Variants in ADGRB2 observed in about 807,000 individuals in gnomAD.
ADGRB2 encodes the protein adhesion G protein-coupled receptor B2.
In ADGRB2, 47 loss-of-function variants were observed where a neutral mutation model predicts 178.7. The ratio of observed to expected loss-of-function variants is 0.26; its 90% CI spans 0.21 to 0.34. The LOEUF (loss-of-function observed/expected upper bound fraction) is 0.34, where lower values mean the gene tolerates loss of function less well. Ranked by LOEUF, ADGRB2 falls within the 10% of genes least tolerant of loss-of-function variation. The pLI is 1.00. For missense variants in ADGRB2, 1,584 were observed against 2,180.8 expected (o/e 0.73, Z 5.45); for synonymous variants, 870 against 912.4 (o/e 0.95, Z 0.84).
At position 31,744,747 on chromosome 1, in the gene ADGRB2, G is replaced by T; in HGVS notation, c.839-16C>A. 1.2e-6 allele frequency: 2 copies of T among 1,613,896 alleles called. No individual in the cohort carries two copies. The highest frequency in any genetic ancestry group is 1.1e-5 in the South Asian group (1 of 91,068). On this transcript the variant is annotated splice_polypyrimidine_tract_variant and intron_variant, in intron 4 of 32. Coordinates refer to ENST00000373658, the MANE Select transcript of ADGRB2 (RefSeq NM_001364857.2). This position sits in a 1 kb window ranked among gnomAD's most constrained non-coding sequence, Gnocchi z 6.7. Reference sequence around the variant, plus strand: ...GGCTCCTCACCTGGAACACGGAGGTGGTGGCAGGGGCTCAGCAAAGGCCAG... The same window carrying T: ...GGCTCCTCACCTGGAACACGGAGGTTGTGGCAGGGGCTCAGCAAAGGCCAG...
chr1:31,732,734 G>A, intron 26 of ADGRB2, 122 bp from the exon 27 acceptor site: 2 of 1,250,394 alleles, frequency 1.6e-6, no homozygotes, highest in Non-Finnish European at 2.3e-6. Context: ...TCCAACCTTG[G>A]GGAAGGTGAT....
chr1:31,727,690 G>A lies in ADGRB2; in HGVS notation c.4573-85C>T. ...CGATCAAACTGAGGAGTCCCAGAGA[G>A]GGCTGGTAATGCCCAAAGTTATGGA... On this transcript the variant is annotated intron_variant, in intron 32 of 32. Coordinates refer to ENST00000373658, the MANE Select transcript of ADGRB2 (RefSeq NM_001364857.2). The surrounding 1 kb of genome is among the most constrained non-coding windows in gnomAD (Gnocchi z 4.4). 1 of 1,359,432 alleles carries A rather than the reference G, an allele frequency of 7.4e-7. No individual in the cohort carries two copies. Among genetic ancestry groups the A allele is most frequent in the Non-Finnish European group, 9.7e-7 (1 of 1,035,494 alleles). 84.2% of individuals were successfully genotyped at this position (1,359,432 alleles called of 1,614,324 possible).
intron 27 of ADGRB2, 55 bp downstream of exon 27, chr1:31,732,462 T>C (rs2148894658): frequency 6.3e-7 from 1 of 1,582,936 alleles, no homozygotes. Flanking sequence ...GGCAGGAGGA[T>C]TGGGGTGGGG....
Position 31,735,973 on chromosome 1 carries a change from A to G in ADGRB2, c.3201-80T>C. 4 of 1,402,246 alleles carry G rather than the reference A, an allele frequency of 2.9e-6. No homozygotes were observed. Among genetic ancestry groups the G allele is most frequent in the Non-Finnish European group, 3.9e-6 (4 of 1,031,400 alleles). The allele number at this position is 1,402,246 out of a possible 1,614,324, so 86.9% of individuals were successfully genotyped here. ...TCAAACACCATCCCTCAGTCCTCCCAGGCTGCCATGCCCGCATCACCAGTG... is the reference window on the plus strand; with the variant it reads ...TCAAACACCATCCCTCAGTCCTCCCGGGCTGCCATGCCCGCATCACCAGTG... On this transcript the variant is annotated intron_variant, in intron 22 of 32. Transcript: ENST00000373658. The surrounding 1 kb of genome is among the most constrained non-coding windows in gnomAD (Gnocchi z 6.0).
chr1:31,744,350 C>A lies in ADGRB2; in HGVS notation c.930G>T (p.Pro310=). ...PGLYMAQTGD[P]AAEEWSPWSV... ...TCCACGGGGACCACTCCTCAGCCGC[C>A]GGGTCGCCTACGAGAGAGGGACAGC... The change falls in exon 6 of 33, where the codon CCG becomes CCT. Residue 310 remains proline, a synonymous_variant. Coordinates refer to ENST00000373658, the MANE Select transcript of ADGRB2 (RefSeq NM_001364857.2). The surrounding 1 kb of genome is among the most constrained non-coding windows in gnomAD (Gnocchi z 6.7). 2.6e-6 allele frequency: 4 copies of A among 1,550,514 alleles called. No individual in the cohort carries two copies. The highest frequency in any genetic ancestry group is 3.5e-6 in the Non-Finnish European group (4 of 1,146,846).
rs894140012 is a variant in ADGRB2 at position 31,735,236 on chromosome 1, C to G, written c.3399G>C (p.Ala1133=). The G allele has an allele frequency of 5.5e-6, 8 of 1,466,142 alleles. No individual in the cohort carries two copies. The highest frequency in any genetic ancestry group is 1.4e-5 in the African/African-American group (1 of 70,640). 90.8% of individuals were successfully genotyped at this position (1,466,142 alleles called of 1,614,324 possible). ...GCAGGGGGCTGGGGACCGCTCCACACGCTGAGCAGGGGAGGAGCAGGCTGG... is the reference window on the plus strand; with the variant it reads ...GCAGGGGGCTGGGGACCGCTCCACAGGCTGAGCAGGGGAGGAGCAGGCTGG... ...PWASLLLPCS[A]CGAVPSPLLS... is the part of the protein sequence containing the mutation. Residue 1133 remains alanine (A), a synonymous_variant, in exon 25 of 33, where the codon GCG becomes GCC. Coordinates refer to ENST00000373658, the MANE Select transcript of ADGRB2 (RefSeq NM_001364857.2). This position sits in a 1 kb window ranked among gnomAD's most constrained non-coding sequence, Gnocchi z 6.0.
rs762253873 is a variant in ADGRB2, at chr1:31,744,607, C to A, written c.922+41G>T. On this transcript the variant is annotated intron_variant, in intron 5 of 32. Transcript: ENST00000373658. The surrounding 1 kb of genome is among the most constrained non-coding windows in gnomAD (Gnocchi z 6.7). Reference sequence around the variant, plus strand: ...ACACACACCACCAGACGCACACAGTCGGGCCCCCGCCGCAGAGGAAGGGAG... The same window carrying A: ...ACACACACCACCAGACGCACACAGTAGGGCCCCCGCCGCAGAGGAAGGGAG... 6.2e-7 allele frequency: 1 copy of A among 1,604,288 alleles called. No homozygotes were observed. Among genetic ancestry groups the A allele is most frequent in the South Asian group, 1.1e-5 (1 of 90,198 alleles).
chr1:31,741,937 G>T lies in ADGRB2; in HGVS notation c.1448C>A (p.Ala483Glu). 2 of 1,599,642 alleles carry T rather than the reference G, an allele frequency of 1.3e-6. No homozygotes were observed. Among genetic ancestry groups the T allele is most frequent in the Non-Finnish European group, 1.7e-6 (2 of 1,170,188 alleles). The stretch of plus-strand genomic sequence containing the variant: ...ACACGTCTTAGAGCACAGGCTCCAC[G>T]CATTCCATGGCCCCCACTTGCTATC... The part of the protein sequence containing the change: ...ATDSKWGPWN[A>E]WSLCSKTCDT... Residue 483 changes from alanine (A) to glutamate (E), a missense_variant, in exon 9 of 33, where the codon GCG becomes GAG. This residue lies in a region of ADGRB2 where 657 missense variants were observed against 847.6 expected (regional missense o/e 0.78). Transcript: ENST00000373658. This position sits in a 1 kb window ranked among gnomAD's most constrained non-coding sequence, Gnocchi z 6.5.
intron 26 of ADGRB2, among the ~76,000 whole-genome samples, 180 bp from the exon 27 acceptor site, chr1:31,732,792 G>A (rs949633003): frequency 6.6e-6 from 1 of 152,258 alleles, no homozygotes; most frequent in Non-Finnish European, 1.5e-5. Flanking sequence ...GGAGGCCAAG[G>A]ATAAGCATAA....
chr1:31,756,160 G>A lies in ADGRB2; in HGVS notation c.677C>T (p.Pro226Leu), dbSNP rs1259525530. The change falls in exon 4 of 33, where the codon CCT (proline) becomes CTT (leucine). Residue 226 changes from proline (P) to leucine (L), a missense_variant. This residue lies in a region of ADGRB2 where 657 missense variants were observed against 847.6 expected (regional missense o/e 0.78). Transcript: ENST00000373658. The surrounding 1 kb of genome is among the most constrained non-coding windows in gnomAD (Gnocchi z 8.5). ...CGFAQPGCSC[P>L]GEAGAGSTTT... ...GGTGGAGCCGGCCCCCGCCTCTCCA[G>A]GGCAGCTGCAGCCTGGCTGAGCAAA... 7 of 1,613,406 alleles carry A rather than the reference G, an allele frequency of 4.3e-6. No individual in the cohort carries two copies. Among genetic ancestry groups the A allele is most frequent in the Non-Finnish European group, 5.9e-6 (7 of 1,179,870 alleles).
intron 27 of ADGRB2, 28 bp from the exon 28 acceptor site, chr1:31,732,182 G>C: frequency 6.2e-7 from 1 of 1,613,968 alleles, no homozygotes; most frequent in Non-Finnish European, 8.5e-7. Context: ...GGGGCAGGTG[G>C]GCAGAGGGAG....
Position 31,727,321 on chromosome 1 carries a change from G to A in ADGRB2, c.*99C>T. Reference sequence around the variant, plus strand: ...CGGCGCCTCCCTGCCCAGCCCTCGGGAGAGGGGAGAGGGCGCTGGCTCCTG... The same window carrying A: ...CGGCGCCTCCCTGCCCAGCCCTCGGAAGAGGGGAGAGGGCGCTGGCTCCTG... On this transcript the variant is annotated 3_prime_UTR_variant, in exon 33 of 33. Transcript: ENST00000373658. The surrounding 1 kb of genome is among the most constrained non-coding windows in gnomAD (Gnocchi z 4.4). 2.2e-6 allele frequency: 3 copies of A among 1,385,616 alleles called. No individual in the cohort carries two copies. Among genetic ancestry groups the A allele is most frequent in the Non-Finnish European group, 2.8e-6 (3 of 1,053,944 alleles). The allele number at this position is 1,385,616 out of a possible 1,614,324, so 85.8% of individuals were successfully genotyped here.
rs2149083918 is a variant in ADGRB2, at chr1:31,764,102, G to C, written c.-409C>G. On this transcript the variant is annotated 5_prime_UTR_variant, in exon 1 of 33. Transcript: ENST00000373658. The surrounding 1 kb of genome is among the most constrained non-coding windows in gnomAD (Gnocchi z 7.3). ...GCGGGCGGCGCCGGGCCGGGCGCGG[G>C]CTCCTGCCGCCGCCGCCGCCGCCGC... 1 of 963,126 alleles carries C rather than the reference G, an allele frequency of 1.0e-6. No homozygotes were observed. Among genetic ancestry groups the C allele is most frequent in the South Asian group, 4.7e-5 (1 of 21,446 alleles). The allele number at this position is 963,126 out of a possible 1,614,324, so 59.7% of individuals were successfully genotyped here.
Position 31,744,579 on chromosome 1 carries a change from A to G in ADGRB2, c.922+69T>C. The G allele has an allele frequency of 6.4e-7, 1 of 1,559,576 alleles. No homozygotes were observed. Among genetic ancestry groups the G allele is most frequent in the Non-Finnish European group, 8.8e-7 (1 of 1,140,500 alleles). On this transcript the variant is annotated intron_variant, in intron 5 of 32. Transcript: ENST00000373658. The surrounding 1 kb of genome is among the most constrained non-coding windows in gnomAD (Gnocchi z 6.7). ...GACAGAGACAGACAGGCACACACCA[A>G]GCACACACACCACCAGACGCACACA...
At position 31,727,821 on chromosome 1, in the gene ADGRB2, C is replaced by T. The variant is rs1557725068; in HGVS notation, c.4572+204G>A. ...CCCAGGACATGTCTCCTGCTGACCA[C>T]TCTCCCTCCCAATCCTGGAGGACCT... is the stretch of plus-strand genomic sequence containing the variant. On this transcript the variant is annotated intron_variant, in intron 32 of 32. Transcript: ENST00000373658. The surrounding 1 kb of genome is among the most constrained non-coding windows in gnomAD (Gnocchi z 4.4). 2.3e-6 allele frequency: 2 copies of T among 870,004 alleles called. No homozygotes were observed. Among genetic ancestry groups the T allele is most frequent in the Non-Finnish European group, 3.4e-6 (2 of 585,118 alleles). The allele number at this position is 870,004 out of a possible 1,614,324, so 53.9% of individuals were successfully genotyped here.
chr1:31,733,430 G>A lies in ADGRB2; in HGVS notation c.3453-287C>T, dbSNP rs1387897280. Among the ~76,000 whole-genome samples the A allele has an allele frequency of 6.6e-6, 1 of 152,316 alleles. No homozygotes were observed. The highest frequency in any genetic ancestry group is 1.9e-4 in the East Asian group (1 of 5,180). On this transcript the variant is annotated intron_variant, in intron 25 of 32. Coordinates refer to ENST00000373658, the MANE Select transcript of ADGRB2 (RefSeq NM_001364857.2). This position sits in a 1 kb window ranked among gnomAD's most constrained non-coding sequence, Gnocchi z 4.3. Reference sequence around the variant, plus strand: ...AGCCACAGACAGTGGAAAGGGACGGGGAGAGAGAAGAGGAGGCAGACAGAT... The same window carrying A: ...AGCCACAGACAGTGGAAAGGGACGGAGAGAGAGAAGAGGAGGCAGACAGAT...
At chr1:31,752,921 A>G (rs1646650776) in intron 4 of ADGRB2, among the ~76,000 whole-genome samples, 1 of 152,134 alleles carries the variant, frequency 6.6e-6, no homozygotes, top group African/African-American at 2.4e-5. Flanking sequence ...TCAAGGATGG[A>G]GCCTGATGAT....
Position 31,739,957 on chromosome 1 carries a change from G to A in ADGRB2, c.2136C>T (p.Phe712=), listed in dbSNP as rs1645844690. ...TATCTGTGACAATCAGAGAGCTCTG[G>A]AAGGCCTTGAGAGCATCGCCCACCA... ...IHLVGDALKA[F]QSSLIVTDNL... Residue 712 remains phenylalanine, a synonymous_variant, in exon 14 of 33, where the codon TTC becomes TTT. Coordinates refer to ENST00000373658, the MANE Select transcript of ADGRB2 (RefSeq NM_001364857.2). 6.2e-7 allele frequency: 1 copy of A among 1,614,020 alleles called. No homozygotes were observed. The highest frequency in any genetic ancestry group is 1.3e-5 in the African/African-American group (1 of 74,900).
chr1:31,756,618 G>A lies in ADGRB2; in HGVS notation c.219C>T (p.Asp73=). 6.2e-7 allele frequency: 1 copy of A among 1,607,928 alleles called. No homozygotes were observed. The highest frequency in any genetic ancestry group is 1.1e-5 in the South Asian group (1 of 90,006). ...SGCSWTLENP[D]PTKYSLYLRF... ...GCAGGTAGAGGGAGTACTTGGTGGG[G>A]TCAGGGTTCTCCAGGGTCCAGGAGC... is the stretch of plus-strand genomic sequence containing the variant. Residue 73 remains aspartate (D), a synonymous_variant, in exon 4 of 33, where the codon GAC becomes GAT. Transcript: ENST00000373658. This position sits in a 1 kb window ranked among gnomAD's most constrained non-coding sequence, Gnocchi z 8.5.
Sources: gnomAD v4.1 joint callset for allele counts (sites outside exome capture counted in the v4.1 genomes callset) on GRCh38, gnomAD v4.1.1 for gene constraint, gnomAD v4.1.1 regional missense constraint, Gnocchi (gnomAD v3.1) non-coding constraint, MANE v1.5 for transcripts, NCBI Gene and HGNC (gene_info 2026-07-23, HGNC 2026-07-21) for gene names.